AUTS2: variants seen among roughly 807,000 people sequenced by gnomAD.
AUTS2 encodes autism susceptibility gene 2 protein.
In AUTS2, 17 loss-of-function variants were observed where a neutral mutation model predicts 112.4. The observed-to-expected ratio is 0.15, with a 90% CI of 0.10 to 0.23. AUTS2 has a LOEUF of 0.23. Ranked by LOEUF, AUTS2 falls within the 10% of genes least tolerant of loss-of-function variation. AUTS2 has a pLI of 1.00. For synonymous variants in AUTS2, 751 were observed against 702.7 expected (o/e 1.07, Z -1.09); for missense variants, 1,510 against 1,701.6 (o/e 0.89, Z 1.98).
chr7:70,353,827 GCTTGTA>G (rs1455227388), intron 4 of AUTS2, among the ~76,000 whole-genome samples: 1 of 152,196 alleles, frequency 6.6e-6, no homozygotes, highest in Non-Finnish European at 1.5e-5. Context: ...GAAGATGTTT[GCTTGTA>G]CCTAATTAAT....
At chr7:70,678,600 G>A (rs771036615) in intron 5 of AUTS2, among the ~76,000 whole-genome samples, 54 of 152,214 alleles carry the variant, frequency 3.5e-4, no homozygotes, top group Non-Finnish European at 8.8e-5. Context: ...CCATTCTAGA[G>A]ATAAAGAAAC....
chr7:70,248,942 G>C (rs1461020226), intron 4 of AUTS2, among the ~76,000 whole-genome samples: 1 of 151,976 alleles, frequency 6.6e-6, no homozygotes, highest in African/African-American at 2.4e-5. Flanking sequence ...CATTTTTATT[G>C]CTTTCAGACC....
At chr7:69,614,368 T>TTTTCTTTCTTTTC (rs1793239736) in intron 1 of AUTS2, among the ~76,000 whole-genome samples, 23 of 19,470 alleles carry the variant, frequency 1.2e-3, no homozygotes, top group East Asian at 3.4e-3. Flanking sequence ...TTCTTTCTTT[T>TTTTCTTTCTTTTC]TTTAAGAGAT....
intron 4 of AUTS2, among the ~76,000 whole-genome samples, chr7:70,393,403 TG>T (rs1256423749): frequency 6.6e-6 from 1 of 152,194 alleles, no homozygotes; most frequent in Non-Finnish European, 1.5e-5. Context: ...CTGCCCTTCC[TG>T]CTCATCTGCC....
chr7:69,800,943 A>G (rs1290121063), intron 1 of AUTS2, among the ~76,000 whole-genome samples: 1 of 152,148 alleles, frequency 6.6e-6, no homozygotes, highest in Non-Finnish European at 1.5e-5. Flanking sequence ...ATAATTCTAC[A>G]TAAATAACAC....
At chr7:70,403,799 G>A (rs572683657) in intron 4 of AUTS2, among the ~76,000 whole-genome samples, 1 of 152,296 alleles carries the variant, frequency 6.6e-6, no homozygotes, top group South Asian at 2.1e-4. Flanking sequence ...GGCAGTTTGG[G>A]TCCTCTTACA....
At chr7:70,291,031 T>C (rs1400856302) in intron 4 of AUTS2, 1 of 152,248 alleles carries the variant, frequency 6.6e-6, no homozygotes, top group African/African-American at 2.4e-5. Flanking sequence ...CTGCAGCTGA[T>C]GTATTTATCT....
At position 70,762,908 on chromosome 7, in the gene AUTS2, A is replaced by G. The variant is rs1209404352; in HGVS notation, c.781A>G (p.Ser261Gly). The G allele has an allele frequency of 1.2e-6, 2 of 1,614,098 alleles. No individual in the cohort carries two copies. Among genetic ancestry groups the G allele is most frequent in the Non-Finnish European group, 1.7e-6 (2 of 1,179,990 alleles). Residue 261 changes from serine (S) to glycine (G), a missense_variant, in exon 7 of 19, where the codon AGC becomes GGC. Physicochemically the swap from Ser to Gly is moderately conservative, Grantham distance 56 (BLOSUM62 0). Coordinates refer to ENST00000342771, the MANE Select transcript of AUTS2 (RefSeq NM_015570.4). ...TGTTGGCACGCTACCAGAACATGACAGCCAGGATGCAGGGCCGATTGTCCC... is the reference window on the plus strand; with the variant it reads ...TGTTGGCACGCTACCAGAACATGACGGCCAGGATGCAGGGCCGATTGTCCC... ...LGVGTLPEHDSQDAGPIVPKI... is the reference protein window; with the variant it reads ...LGVGTLPEHDGQDAGPIVPKI...
intron 2 of AUTS2, among the ~76,000 whole-genome samples, chr7:69,985,525 C>T (rs974444787): frequency 3.3e-5 from 5 of 152,172 alleles, no homozygotes; most frequent in East Asian, 1.9e-4. Context: ...CTTCTTATTA[C>T]GCTAAGAATA....
chr7:70,440,945 T>G lies in AUTS2; in HGVS notation c.690+5164T>G, dbSNP rs192905184. 7.9e-5 allele frequency among the ~76,000 whole-genome samples: 12 copies of G among 152,342 alleles called. No homozygotes were observed. In the East Asian group the frequency reaches 2.1e-3, roughly 27 times the overall value. On this transcript the variant is annotated intron_variant, in intron 5 of 18. Coordinates refer to ENST00000342771, the MANE Select transcript of AUTS2 (RefSeq NM_015570.4). ...AGGTAATTTTGGTACACAACTGGTT[T>G]TGAGAACTACTGCCTTATAGTAAAT...
At chr7:69,965,447 T>C (rs1797600153) in intron 2 of AUTS2, among the ~76,000 whole-genome samples, 1 of 152,068 alleles carries the variant, frequency 6.6e-6, no homozygotes, top group Admixed American at 6.6e-5. Context: ...CAGAGGGAGA[T>C]GCACAGAAGT....
chr7:70,597,302 G>A (rs1444053970), intron 5 of AUTS2, among the ~76,000 whole-genome samples: 1 of 152,212 alleles, frequency 6.6e-6, no homozygotes, highest in Non-Finnish European at 1.5e-5. Flanking sequence ...CTGTTTTAGA[G>A]ATACCAGAGC....
intron 2 of AUTS2, among the ~76,000 whole-genome samples, chr7:69,951,654 G>A (rs1473914108): frequency 3.3e-5 from 5 of 152,144 alleles, no homozygotes; most frequent in Middle Eastern, 3.2e-3. Context: ...ACCACGGGGA[G>A]CCTCATCAGA....
rs764107255 is a variant in AUTS2, at chr7:69,713,460, G to GTT, written c.309+113514_309+113515dup. ...AGTAACTACTATTCTGCTTTCAAGAGTTTTTTTTTTTTTTTTTGAGAGGGA... is the reference window on the plus strand; with the variant it reads ...AGTAACTACTATTCTGCTTTCAAGAGTTTTTTTTTTTTTTTTTTTGAGAGGGA... On this transcript the variant is annotated intron_variant, in intron 1 of 18. Transcript: ENST00000342771. Among the ~76,000 whole-genome samples, 71 of 135,750 alleles carry GTT rather than the reference G, an allele frequency of 5.2e-4. 1 individual carries two copies. Among genetic ancestry groups the GTT allele is most frequent in the Admixed American group, 5.2e-4 (7 of 13,448 alleles). The allele number at this position is 135,750 out of a possible 152,430, so 89.1% of individuals were successfully genotyped here.
At chr7:70,016,408 G>A (rs984852646) in intron 2 of AUTS2, among the ~76,000 whole-genome samples, 1 of 151,860 alleles carries the variant, frequency 6.6e-6, no homozygotes, top group African/African-American at 2.4e-5. Context: ...CACCAGGATC[G>A]TGTGATGGTT....
At chr7:70,672,911 A>AT (rs574172357) in intron 5 of AUTS2, among the ~76,000 whole-genome samples, 69 of 152,264 alleles carry the variant, frequency 4.5e-4, no homozygotes, top group African/African-American at 1.4e-3. Flanking sequence ...AGGACACGTG[A>AT]TTTTAAAAGC....
At chr7:70,712,263 G>A (rs533438514) in intron 6 of AUTS2, among the ~76,000 whole-genome samples, 7 of 131,174 alleles carry the variant, frequency 5.3e-5, no homozygotes, top group African/African-American at 1.5e-4. Context: ...CCCAGGCTGG[G>A]CTCGAACTCC....
intron 1 of AUTS2, among the ~76,000 whole-genome samples, chr7:69,853,900 A>G (rs1165033003): frequency 1.3e-5 from 2 of 152,182 alleles, no homozygotes; most frequent in Non-Finnish European, 2.9e-5. Flanking sequence ...GTGAAAAAGG[A>G]TTCAACATTT....
chr7:70,728,009 T>A (rs1405349970), intron 6 of AUTS2, among the ~76,000 whole-genome samples: 1 of 152,170 alleles, frequency 6.6e-6, no homozygotes, highest in Non-Finnish European at 1.5e-5. Flanking sequence ...TATGGTGTAT[T>A]TCAGGGGAAG....
Sources: gnomAD v4.1 joint callset for allele counts (sites outside exome capture counted in the v4.1 genomes callset) on GRCh38, gnomAD v4.1.1 for gene constraint, MANE v1.5 for transcripts, NCBI Gene and HGNC (gene_info 2026-07-23, HGNC 2026-07-21) for gene names.